The following GANC variants were observed in gnomAD, a reference collection of about 807,000 sequenced individuals.
GANC encodes the protein neutral alpha-glucosidase C.
A neutral mutation model predicts 124.2 loss-of-function variants in GANC; 117 were observed. The observed-to-expected ratio is 0.94, with a 90% CI of 0.81 to 1.10. The LOEUF is 1.10. Ranked by LOEUF, GANC falls within the 50% of genes least tolerant of loss-of-function variation. The probability of loss-of-function intolerance (pLI) is 0.00; values close to 1 mark genes in which losing one functional copy is unlikely to be tolerated. For synonymous variants in GANC, 377 were observed against 376.8 expected, an observed-to-expected ratio of 1.00 and a Z score of -0.01; for missense variants, 1,140 against 1,095.0, an observed-to-expected ratio of 1.04 and a Z score of -0.58.
Position 42,287,547 on chromosome 15 carries a change from G to C in GANC, c.202-144G>C, listed in dbSNP as rs977438875. 7 of 743,028 alleles carry C rather than the reference G, an allele frequency of 9.4e-6. No individual in the cohort carries two copies. In the African/African-American group the frequency reaches 1.1e-4, roughly 12 times the overall value. The allele number at this position is 743,028 out of a possible 1,614,324, so 46.0% of individuals were successfully genotyped here. On this transcript the variant is annotated intron_variant, in intron 3 of 23. Coordinates refer to ENST00000318010, the MANE Select transcript of GANC (RefSeq NM_198141.3). ...AGCAAGTACATACATAAACTGGGGA[G>C]CTTTTTTTTTTAATTGCCATTGTTC...
At chr15:42,279,001 GAAC>G (rs1365781814) in intron 3 of GANC, among the ~76,000 whole-genome samples, 2 of 151,948 alleles carry the variant, frequency 1.3e-5, no homozygotes, top group African/African-American at 4.8e-5. Context: ...CCTCAAAAAA[GAAC>G]AAAGAAAGAA....
At chr15:42,320,099 G>A (rs772473332) in intron 10 of GANC, among the ~76,000 whole-genome samples, 113 of 152,212 alleles carry the variant, frequency 7.4e-4, no homozygotes, top group Non-Finnish European at 1.3e-3. Context: ...CAGGAAAATC[G>A]CTTGAACCCA....
chr15:42,300,229 A>G (rs143152484), intron 6 of GANC, among the ~76,000 whole-genome samples: 2 of 152,328 alleles, frequency 1.3e-5, no homozygotes, highest in African/African-American at 4.8e-5. Context: ...GCTAATATCC[A>G]GAATTTACAA....
At chr15:42,337,121 T>C (rs1464305332) in intron 15 of GANC, among the ~76,000 whole-genome samples, 1 of 152,196 alleles carries the variant, frequency 6.6e-6, no homozygotes, top group Admixed American at 6.5e-5. Flanking sequence ...GACCCAGCAA[T>C]CCCATTACTA....
In GANC at chr15:42,340,770, T is replaced by TC. The variant is rs1478535265; in HGVS notation, c.2152+16_2152+17insC. On this transcript the variant is annotated intron_variant, in intron 18 of 23. Transcript: ENST00000318010. ...TACATGCTGGGTGAGCATTTCTGTT[T>TC]TTTTTTTTTTTTTTGAGACGGAGTC... 2.3e-6 allele frequency: 3 copies of TC among 1,324,118 alleles called. No individual in the cohort carries two copies. Among genetic ancestry groups the TC allele is most frequent in the East Asian group, 5.0e-5 (2 of 40,308 alleles). 82.0% of individuals were successfully genotyped at this position (1,324,118 alleles called of 1,614,324 possible).
chr15:42,347,415 A>G (rs2052375305), intron 20 of GANC, among the ~76,000 whole-genome samples: 1 of 151,870 alleles, frequency 6.6e-6, no homozygotes, highest in Admixed American at 6.6e-5. Context: ...GAGGTGGGAA[A>G]CCTACCCTGG....
chr15:42,334,415 G>A (rs1399228038), intron 15 of GANC, among the ~76,000 whole-genome samples: 1 of 152,144 alleles, frequency 6.6e-6, no homozygotes, highest in Non-Finnish European at 1.5e-5. Flanking sequence ...GCCCTCCTCG[G>A]CTTCACAAAG....
At chr15:42,318,751 A>T (rs561062981) in intron 10 of GANC, among the ~76,000 whole-genome samples, 1 of 152,188 alleles carries the variant, frequency 6.6e-6, no homozygotes, top group South Asian at 2.1e-4. Flanking sequence ...ACCATGCCCA[A>T]CTAATTTTTT....
intron 10 of GANC, among the ~76,000 whole-genome samples, chr15:42,316,654 G>C (rs11631922): frequency 0.91 from 138,432 of 152,172 alleles, 64,333 homozygotes; most frequent in Non-Finnish European, 1. Context: ...ACTACAGGGA[G>C]GGGTTTAAGC....
At chr15:42,283,638 A>G (rs1346356889) in intron 3 of GANC, 8 of 702,382 alleles carry the variant, frequency 1.1e-5, no homozygotes, top group Admixed American at 2.0e-5. Flanking sequence ...ACCAGAGACA[A>G]CACTTCCAGC....
At chr15:42,280,941 A>G (rs1041718514) in intron 3 of GANC, 6 of 702,410 alleles carry the variant, frequency 8.5e-6, no homozygotes, top group African/African-American at 3.5e-5. Flanking sequence ...CCAGAGCCCA[A>G]CAACTCTGGA....
At chr15:42,319,045 T>C (rs2052133275) in intron 10 of GANC, among the ~76,000 whole-genome samples, 1 of 152,186 alleles carries the variant, frequency 6.6e-6, no homozygotes, top group South Asian at 2.1e-4. Context: ...ACGGATTTTA[T>C]AATCTCCTTT....
At position 42,340,700 on chromosome 15, in the gene GANC, G is replaced by A; in HGVS notation, c.2098G>A (p.Val700Ile). ...ASQPVMRPLW[V>I]EFPDELKTFD... The stretch of plus-strand genomic sequence containing the variant: ...TTTTTCTTTCCCCAGGCCTCTGTGG[G>A]TAGAGTTCCCTGATGAACTAAAGAC... The change falls in exon 18 of 24, where the codon GTA becomes ATA. Residue 700 changes from valine (V) to isoleucine (I), a missense_variant. By Grantham distance (29) the Val-to-Ile change is conservative (BLOSUM62 3). Transcript: ENST00000318010. 1.9e-6 allele frequency: 3 copies of A among 1,606,218 alleles called. No individual in the cohort carries two copies. Among genetic ancestry groups the A allele is most frequent in the Non-Finnish European group, 2.5e-6 (3 of 1,178,062 alleles).
intron 6 of GANC, among the ~76,000 whole-genome samples, chr15:42,305,115 CT>C (rs1162107491): frequency 1.3e-5 from 2 of 152,176 alleles, no homozygotes; most frequent in African/African-American, 2.4e-5. Flanking sequence ...CAAATGGGAT[CT>C]GATTAAACTG....
At chr15:42,277,725 C>T (rs2051686398) in intron 2 of GANC, among the ~76,000 whole-genome samples, 5 of 151,354 alleles carry the variant, frequency 3.3e-5, no homozygotes, top group Admixed American at 2.0e-4. Flanking sequence ...CTCAGCCTCC[C>T]GACTAGCTGG....
intron 10 of GANC, among the ~76,000 whole-genome samples, chr15:42,315,682 C>A (rs1179156300): frequency 6.6e-6 from 1 of 152,168 alleles, no homozygotes; most frequent in African/African-American, 2.4e-5. Flanking sequence ...AAACACCAGT[C>A]TAGATGTCTC....
At chr15:42,312,040 A>G (rs2052054877) in intron 10 of GANC, among the ~76,000 whole-genome samples, 1 of 152,190 alleles carries the variant, frequency 6.6e-6, no homozygotes, top group Non-Finnish European at 1.5e-5. Flanking sequence ...TGCCTAAATA[A>G]ATGGAAAGAC....
chr15:42,279,004 CAAAG>C (rs917146146), intron 3 of GANC, among the ~76,000 whole-genome samples: 56 of 152,062 alleles, frequency 3.7e-4, no homozygotes, highest in African/African-American at 4.8e-4. Context: ...CAAAAAAGAA[CAAAG>C]AAAGAAAGAA....
chr15:42,277,179 A>G (rs1013581559), intron 2 of GANC, among the ~76,000 whole-genome samples: 2 of 152,208 alleles, frequency 1.3e-5, no homozygotes, highest in Non-Finnish European at 2.9e-5. Flanking sequence ...AAATGTGTTA[A>G]CTATTACCAG....
Sources: allele counts gnomAD v4.1 joint callset (sites outside exome capture counted in the v4.1 genomes callset), GRCh38; gene constraint gnomAD v4.1.1; transcripts MANE v1.5; gene names NCBI Gene and HGNC (gene_info 2026-07-23, HGNC 2026-07-21).